CSMD1: variants seen among roughly 807,000 people sequenced by gnomAD.
CSMD1 encodes CUB and sushi domain-containing protein 1.
A neutral mutation model predicts 417.5 loss-of-function variants in CSMD1; 213 were observed. The ratio of observed to expected loss-of-function variants is 0.51; its 90% confidence interval spans 0.46 to 0.57. The LOEUF (loss-of-function observed/expected upper bound fraction) is 0.57. Ranked by LOEUF, CSMD1 falls within the 20% of genes least tolerant of loss-of-function variation. The pLI is 0.00. For missense variants in CSMD1, 6,923 were observed against 4,529.7 expected (o/e 1.53, Z -15.17); for synonymous variants, 2,862 against 1,736.8 (o/e 1.65, Z -16.11).
chr8:4,528,181 C>T (rs1283048970), intron 2 of CSMD1, among the ~76,000 whole-genome samples: 3 of 152,152 alleles, frequency 2.0e-5, no homozygotes, highest in African/African-American at 7.2e-5. Context: ...GACCTGTATT[C>T]CTTGGTTCAT....
chr8:4,620,213 G>A (rs912315061), intron 2 of CSMD1, among the ~76,000 whole-genome samples: 1 of 151,516 alleles, frequency 6.6e-6, no homozygotes, highest in Non-Finnish European at 1.5e-5. Context: ...GTAATATGGA[G>A]AATTATTTGA....
intron 3 of CSMD1, among the ~76,000 whole-genome samples, chr8:4,219,369 C>A (rs1255805967): frequency 1.3e-5 from 2 of 152,158 alleles, no homozygotes; most frequent in South Asian, 2.1e-4. Context: ...CCCCCTGGCA[C>A]AGAGTAAGTG....
At chr8:4,954,985 T>C (rs1233857032) in intron 1 of CSMD1, among the ~76,000 whole-genome samples, 1 of 152,198 alleles carries the variant, frequency 6.6e-6, no homozygotes, top group Non-Finnish European at 1.5e-5. Flanking sequence ...GTCTAATTTT[T>C]CTGGGTTTTC....
chr8:3,299,190 G>A (rs1263816734), intron 25 of CSMD1, among the ~76,000 whole-genome samples: 1 of 152,160 alleles, frequency 6.6e-6, no homozygotes, highest in Non-Finnish European at 1.5e-5. Context: ...GGTGGCTCAC[G>A]CCTGTAATCC....
At chr8:4,085,067 G>C (rs1585281017) in intron 3 of CSMD1, among the ~76,000 whole-genome samples, 1 of 152,252 alleles carries the variant, frequency 6.6e-6, no homozygotes, top group African/African-American at 2.4e-5. Flanking sequence ...TGTTGCCAAA[G>C]GAAGTGAATG....
intron 6 of CSMD1, among the ~76,000 whole-genome samples, chr8:3,731,148 G>A (rs1796227933): frequency 2.6e-5 from 4 of 152,046 alleles, no homozygotes; most frequent in Admixed American, 2.6e-4. Flanking sequence ...AAATATTTCA[G>A]TATGTCTGTT....
chr8:4,143,582 A>T (rs1803927817), intron 3 of CSMD1, among the ~76,000 whole-genome samples: 1 of 150,896 alleles, frequency 6.6e-6, no homozygotes, highest in East Asian at 1.9e-4. Flanking sequence ...ACAGTTGTCA[A>T]CCCCTTTAAC....
intron 26 of CSMD1, among the ~76,000 whole-genome samples, chr8:3,271,688 G>A (rs1801867597): frequency 6.6e-6 from 1 of 152,170 alleles, no homozygotes; most frequent in Non-Finnish European, 1.5e-5. Context: ...CAGTGATGAT[G>A]AGCATTTTTT....
At chr8:4,238,278 C>A (rs550682169) in intron 3 of CSMD1, among the ~76,000 whole-genome samples, 1 of 152,182 alleles carries the variant, frequency 6.6e-6, no homozygotes, top group Non-Finnish European at 1.5e-5. Flanking sequence ...GGACTAGAGA[C>A]ATGAATGAAT....
intron 2 of CSMD1, among the ~76,000 whole-genome samples, chr8:4,597,954 CTAAT>C (rs971338014): frequency 6.6e-6 from 1 of 151,482 alleles, no homozygotes; most frequent in Non-Finnish European, 1.5e-5. Flanking sequence ...ATTGTCATCT[CTAAT>C]TATTTTAAAA....
chr8:3,956,969 G>C (rs765529699), intron 5 of CSMD1, among the ~76,000 whole-genome samples: 1 of 151,752 alleles, frequency 6.6e-6, no homozygotes, highest in Non-Finnish European at 1.5e-5. Context: ...GGAAAGGTTG[G>C]ACCTGTTTTT....
At chr8:4,977,979 C>G (rs914623102) in intron 1 of CSMD1, among the ~76,000 whole-genome samples, 5 of 152,146 alleles carry the variant, frequency 3.3e-5, no homozygotes, top group Non-Finnish European at 7.3e-5. Context: ...GCTGTATTTA[C>G]GAGGTTTCCC....
chr8:3,457,314 G>A (rs1301492368), intron 12 of CSMD1, among the ~76,000 whole-genome samples: 3 of 152,020 alleles, frequency 2.0e-5, no homozygotes, highest in African/African-American at 4.8e-5. Context: ...CTGACCTTCA[G>A]CTCACATCAC....
intron 1 of CSMD1, among the ~76,000 whole-genome samples, chr8:4,893,794 T>C (rs1804289028): frequency 6.6e-6 from 1 of 152,176 alleles, no homozygotes; most frequent in Admixed American, 6.5e-5. Context: ...ATTGTTCAGA[T>C]TCCAATGTCT....
intron 3 of CSMD1, among the ~76,000 whole-genome samples, chr8:4,407,474 T>C (rs939360618): frequency 6.6e-6 from 1 of 152,226 alleles, no homozygotes; most frequent in Non-Finnish European, 1.5e-5. Flanking sequence ...AAACGTAATT[T>C]TGTATATAAT....
At chr8:4,104,904 C>T (rs375203730) in intron 3 of CSMD1, among the ~76,000 whole-genome samples, 32 of 152,214 alleles carry the variant, frequency 2.1e-4, no homozygotes, top group African/African-American at 7.7e-4. Context: ...AAGATCAATC[C>T]CACTGTGAGT....
chr8:4,339,866 C>T (rs114090224), intron 3 of CSMD1, among the ~76,000 whole-genome samples: 1,776 of 152,008 alleles, frequency 0.012, 45 homozygotes, highest in African/African-American at 0.041. Context: ...TCTACAAAAA[C>T]TTAAAAAAAT....
intron 26 of CSMD1, among the ~76,000 whole-genome samples, chr8:3,253,809 G>T (rs959220558): frequency 1.3e-5 from 2 of 152,124 alleles, no homozygotes; most frequent in African/African-American, 4.8e-5. Context: ...GCACACTGTA[G>T]GGTCTTGACT....
intron 1 of CSMD1, among the ~76,000 whole-genome samples, chr8:4,714,018 G>A (rs139547812): frequency 9.9e-5 from 15 of 152,150 alleles, no homozygotes; most frequent in African/African-American, 3.4e-4. Context: ...GGTGGCAGGT[G>A]CCTGTAATCC....
Sources: gnomAD v4.1 joint callset for allele counts (sites outside exome capture counted in the v4.1 genomes callset) on GRCh38, gnomAD v4.1.1 for gene constraint, MANE v1.5 for transcripts, NCBI Gene and HGNC (gene_info 2026-07-23, HGNC 2026-07-21) for gene names.